The following ATP7A variants were observed in gnomAD, a reference collection of about 807,000 sequenced individuals.
ATP7A encodes the protein ATPase copper transporting alpha, also known as copper-transporting ATPase 1.
Under a neutral mutation model 83.5 loss-of-function variants are expected in ATP7A, and 7 were observed. The observed-to-expected ratio is 0.08, with a 90% CI of 0.05 to 0.16. ATP7A has a LOEUF of 0.16. ATP7A is among the 10% of genes least tolerant of loss of function. ATP7A has a pLI of 1.00. For missense variants in ATP7A, 940 were observed against 1,120.8 expected, an observed-to-expected ratio of 0.84 and a Z score of 2.30; for synonymous variants, 354 against 395.2, an observed-to-expected ratio of 0.90 and a Z score of 1.24.
rs781966731 is a variant in ATP7A at position 77,957,277 on chromosome X, C to T, written c.-21-14344C>T. The stretch of plus-strand genomic sequence containing the variant: ...TAAGTTTTAGGGTACATGTGCACAA[C>T]GTGCAGGTTTGTTACATATGTATAC... On this transcript the variant is annotated intron_variant, in intron 1 of 22. Coordinates refer to ENST00000341514, the MANE Select transcript of ATP7A (RefSeq NM_000052.7). 4.3e-4 allele frequency among the ~76,000 whole-genome samples: 48 copies of T among 110,495 alleles called. 1 individual carries two copies. Among genetic ancestry groups the T allele is most frequent in the African/African-American group, 1.3e-3 (40 of 30,545 alleles).
rs912994769 is a variant in ATP7A, at chrX:78,008,960, G to T, written c.1708-142G>T. ...GAACCTGGAAGGCGGAGGTTGCAGT[G>T]AGCCGAGATCGCACCACTGCATTCC... On this transcript the variant is annotated intron_variant, in intron 6 of 22. Transcript: ENST00000341514. The T allele has an allele frequency of 5.5e-5, 33 of 598,126 alleles. No homozygotes were observed. The African/African-American group carries it at 6.7e-4, about 12-fold the overall frequency. 49.3% of individuals were successfully genotyped at this position (598,126 alleles called of 1,213,427 possible). A position where few individuals can be genotyped will look rare whatever the true frequency, so the allele number is the denominator to read the frequency against.
intron 18 of ATP7A, 112 bp downstream of exon 18, chrX:78,039,094 G>A: frequency 2.4e-6 from 2 of 849,247 alleles, no homozygotes; most frequent in Non-Finnish European, 3.3e-6. Context: ...CATCTTGAAT[G>A]CAAAATGAAA....
intron 1 of ATP7A, among the ~76,000 whole-genome samples, chrX:77,948,653 A>G (rs1186565316): frequency 9.9e-5 from 11 of 111,259 alleles, no homozygotes; most frequent in African/African-American, 3.6e-4. Flanking sequence ...TTATAGGGCA[A>G]ACACTGGGGA....
chrX:78,011,771 A>C (rs782470669), intron 9 of ATP7A, 97 bp downstream of exon 9: 2 of 820,646 alleles, frequency 2.4e-6, no homozygotes, highest in East Asian at 6.2e-5. Context: ...GATGTTAGCT[A>C]GAAGTCTGAT....
chrX:78,023,442 T>C (rs1204467358), intron 14 of ATP7A, among the ~76,000 whole-genome samples: 1 of 108,632 alleles, frequency 9.2e-6, no homozygotes, highest in African/African-American at 3.4e-5. Context: ...TTCCCTTTTC[T>C]CTGCATCGTT....
At position 77,969,602 on chromosome X, in the gene ATP7A, C is replaced by G. The variant is rs6622613; in HGVS notation, c.-21-2019C>G. 8 of 1,210,422 alleles carry G rather than the reference C, an allele frequency of 6.6e-6. No individual in the cohort carries two copies. The Admixed American group carries it at 1.7e-4, about 26-fold the overall frequency. On this transcript the variant is annotated intron_variant, in intron 1 of 22. Coordinates refer to ENST00000341514, the MANE Select transcript of ATP7A (RefSeq NM_000052.7). ...CGGTTCTCCAGGTTCCATGTGCTCT[C>G]GCCGTGCCGGATCAGCACCAGTTTG...
intron 12 of ATP7A, among the ~76,000 whole-genome samples, chrX:78,019,591 C>G (rs1557235518): frequency 9.0e-6 from 1 of 111,226 alleles, no homozygotes; most frequent in African/African-American, 3.3e-5. Context: ...CCTCAGCCTC[C>G]CACGTACCTG....
chrX:77,966,243 A>G (rs1205843409), intron 1 of ATP7A, among the ~76,000 whole-genome samples: 1 of 112,481 alleles, frequency 8.9e-6, no homozygotes, highest in Non-Finnish European at 1.9e-5. Context: ...ACCATACACC[A>G]TGTACAACAA....
intron 1 of ATP7A, among the ~76,000 whole-genome samples, chrX:77,931,619 C>T (rs868951836): frequency 2.5e-4 from 27 of 108,961 alleles, no homozygotes; most frequent in African/African-American, 4.7e-4. Flanking sequence ...ACCTCCCGGA[C>T]GGGGCGGCTG....
chrX:78,006,446 T>A (rs1217368642), intron 6 of ATP7A, among the ~76,000 whole-genome samples: 4 of 112,171 alleles, frequency 3.6e-5, no homozygotes, highest in African/African-American at 9.7e-5. Context: ...AAAGAATGAG[T>A]AGGTTTTTAT....
chrX:77,983,271 T>C lies in ATP7A; in HGVS notation c.121-4971T>C, dbSNP rs572912407. ...TAGTAACATAGTTTTTTAGCTTATA[T>C]AGAAAGTTAGAACTGAAAAGATTAT... On this transcript the variant is annotated intron_variant, in intron 2 of 22. Coordinates refer to ENST00000341514, the MANE Select transcript of ATP7A (RefSeq NM_000052.7). Among the ~76,000 whole-genome samples, 62 of 112,306 alleles carry C rather than the reference T, an allele frequency of 5.5e-4. 2 individuals carry two copies. In the South Asian group the frequency reaches 0.022, roughly 41 times the overall value.
At chrX:77,950,749 C>G (rs977433262) in intron 1 of ATP7A, among the ~76,000 whole-genome samples, 1 of 111,094 alleles carries the variant, frequency 9.0e-6, no homozygotes, top group African/African-American at 3.3e-5. Flanking sequence ...GTCGTCCAGG[C>G]GCAGTGGCTC....
rs1353929325 is a variant in ATP7A at position 78,028,489 on chromosome X, A to G, written c.2917-761A>G. Among the ~76,000 whole-genome samples the G allele has an allele frequency of 2.7e-5, 3 of 111,624 alleles. No homozygotes were observed. In the Admixed American group the frequency reaches 2.8e-4, roughly 11 times the overall value. On this transcript the variant is annotated intron_variant, in intron 14 of 22. Transcript: ENST00000341514. ...CAGGCGTGAGCCACTGTGCCCGGCC[A>G]TACCTGGCTAATTTTTCACAAATTT...
chrX:78,028,825 T>C (rs1487411114), intron 14 of ATP7A, among the ~76,000 whole-genome samples: 2 of 112,658 alleles, frequency 1.8e-5, no homozygotes, highest in African/African-American at 6.4e-5. Flanking sequence ...GAAATATGAC[T>C]AAGGTCCCTT....
chrX:78,008,994 C>T lies in ATP7A; in HGVS notation c.1708-108C>T, dbSNP rs928286358. The T allele has an allele frequency of 3.2e-5, 27 of 855,463 alleles. No homozygotes were observed. In the African/African-American group the frequency reaches 3.4e-4, roughly 11 times the overall value. 70.5% of individuals were successfully genotyped at this position (855,463 alleles called of 1,213,427 possible). Reference sequence around the variant, plus strand: ...TCGCACCACTGCATTCCAGCCTGGGCGACAGAGCGAGAGACTCTGTCTCAA... The same window carrying T: ...TCGCACCACTGCATTCCAGCCTGGGTGACAGAGCGAGAGACTCTGTCTCAA... On this transcript the variant is annotated intron_variant, in intron 6 of 22. Coordinates refer to ENST00000341514, the MANE Select transcript of ATP7A (RefSeq NM_000052.7).
chrX:77,993,406 A>G (rs782676277), intron 4 of ATP7A, among the ~76,000 whole-genome samples: 2 of 111,914 alleles, frequency 1.8e-5, no homozygotes, highest in Non-Finnish European at 3.8e-5. Context: ...CAAATTCTAC[A>G]TTTTAATTTT....
intron 1 of ATP7A, among the ~76,000 whole-genome samples, chrX:77,911,602 G>A (rs1340392628): frequency 9.3e-6 from 1 of 107,442 alleles, no homozygotes; most frequent in Non-Finnish European, 1.9e-5. Context: ...GGTGGGGAGG[G>A]GGTGATGCAC....
chrX:77,959,955 G>T (rs1442671914), intron 1 of ATP7A, among the ~76,000 whole-genome samples: 1 of 112,366 alleles, frequency 8.9e-6, no homozygotes, highest in Non-Finnish European at 1.9e-5. Context: ...GAACAAGAGA[G>T]ATCCTGTTTC....
intron 2 of ATP7A, among the ~76,000 whole-genome samples, chrX:77,972,861 T>C (rs1346510974): frequency 9.2e-6 from 1 of 108,720 alleles, no homozygotes; most frequent in Non-Finnish European, 1.9e-5. Context: ...TGGTTTTTTG[T>C]TTGTTTGTTT....
Sources: gnomAD v4.1 joint callset for allele counts (sites outside exome capture counted in the v4.1 genomes callset) on GRCh38, gnomAD v4.1.1 for gene constraint, MANE v1.5 for transcripts, NCBI Gene and HGNC (gene_info 2026-07-23, HGNC 2026-07-21) for gene names.